The following USHBP1 variants were observed in gnomAD, a reference collection of about 807,000 sequenced individuals.
USHBP1 encodes USH1 protein network component harmonin binding protein 1.
Under a neutral mutation model 76.2 loss-of-function variants are expected in USHBP1, and 67 were observed. The observed-to-expected ratio is 0.88, with a 90% CI of 0.72 to 1.08. The LOEUF (loss-of-function observed/expected upper bound fraction) is 1.08, where lower values mean the gene tolerates loss of function less well. Ranked by LOEUF, USHBP1 falls within the 50% of genes least tolerant of loss-of-function variation. USHBP1 has a pLI of 0.00. For missense variants in USHBP1, 931 were observed against 915.0 expected (o/e 1.02, Z -0.23); for synonymous variants, 322 against 362.2 (o/e 0.89, Z 1.26).
intron 10 of USHBP1, among the ~76,000 whole-genome samples, chr19:17,253,298 C>A (rs1017763060): frequency 2.4e-4 from 27 of 114,236 alleles, no homozygotes; most frequent in African/African-American, 7.0e-4. Flanking sequence ...ATTTTTTTTT[C>A]TTTTTTTTTT....
At chr19:17,256,759 A>G (rs745541798) in intron 8 of USHBP1, 39 bp from the exon 9 acceptor site, 7 of 1,612,996 alleles carry the variant, frequency 4.3e-6, no homozygotes, top group Non-Finnish European at 5.9e-6. Flanking sequence ...CAACACTGGC[A>G]GGCATAGGTG....
chr19:17,259,889 G>T lies in USHBP1; in HGVS notation c.768+8C>A. On this transcript the variant is annotated splice_region_variant and intron_variant, in intron 5 of 12. Transcript: ENST00000252597. ...TCAAGACCATGGGATTGAACTTCTC[G>T]CACTCACCTGAGTCTCCCAGGGTTC... The T allele has an allele frequency of 6.2e-7, 1 of 1,612,144 alleles. No individual in the cohort carries two copies. The highest frequency in any genetic ancestry group is 8.5e-7 in the Non-Finnish European group (1 of 1,178,650).
intron 10 of USHBP1, 111 bp downstream of exon 10, chr19:17,255,273 CA>C: frequency 8.1e-7 from 1 of 1,235,760 alleles, no homozygotes; most frequent in Non-Finnish European, 1.1e-6. Context: ...GCCTGGGCAA[CA>C]AGAGCCAAAC....
intron 12 of USHBP1, among the ~76,000 whole-genome samples, chr19:17,251,241 C>A (rs981524152): frequency 6.7e-6 from 1 of 150,330 alleles, no homozygotes; most frequent in East Asian, 1.9e-4. Context: ...GTGATCTCTG[C>A]TCACCACAAC....
At chr19:17,262,043 C>A (rs2073695762) in intron 4 of USHBP1, among the ~76,000 whole-genome samples, 1 of 144,498 alleles carries the variant, frequency 6.9e-6, no homozygotes. Flanking sequence ...CTCTGTCCCC[C>A]AGGTTGGAGT....
At chr19:17,256,969 G>A (rs946267121) in intron 8 of USHBP1, among the ~76,000 whole-genome samples, 2 of 151,268 alleles carry the variant, frequency 1.3e-5, no homozygotes, top group African/African-American at 4.9e-5. Flanking sequence ...TGGGAGGATT[G>A]CTTGAAGCCA....
intron 3 of USHBP1, 187 bp downstream of exon 3, chr19:17,263,815 G>A: frequency 5.6e-6 from 4 of 719,712 alleles, no homozygotes; most frequent in Admixed American, 3.7e-5. Context: ...GCTGTGAGCC[G>A]AGATTGTGCC....
Position 17,250,043 on chromosome 19 carries a change from T to G in USHBP1, c.*182A>C. 1 of 663,186 alleles carries G rather than the reference T, an allele frequency of 1.5e-6. No individual in the cohort carries two copies. Among genetic ancestry groups the G allele is most frequent in the Non-Finnish European group, 2.5e-6 (1 of 402,222 alleles). 41.1% of individuals were successfully genotyped at this position (663,186 alleles called of 1,614,324 possible). On this transcript the variant is annotated 3_prime_UTR_variant, in exon 13 of 13. Transcript: ENST00000252597. Reference sequence around the variant, plus strand: ...CACTTGGTGCCAGGCCAAAGACACCTGAGTCTTTCTTCATTGCCTGGCCAC... The same window carrying G: ...CACTTGGTGCCAGGCCAAAGACACCGGAGTCTTTCTTCATTGCCTGGCCAC...
chr19:17,251,671 C>T lies in USHBP1; in HGVS notation c.1833G>A (p.Leu611=). 1 of 1,613,824 alleles carries T rather than the reference C, an allele frequency of 6.2e-7. No individual in the cohort carries two copies. The change falls in exon 12 of 13, where the codon CTG becomes CTA. Residue 611 remains leucine (L), a synonymous_variant. Coordinates refer to ENST00000252597, the MANE Select transcript of USHBP1 (RefSeq NM_031941.4). The part of the protein sequence containing the change: ...TLDLQEQLQS[L]RRELEQVAQK... ...GAGCCACCTGTTCCAGCTCCCTGCG[C>T]AGAGACTGCAGCTGCTCCTGCAGGT...
chr19:17,264,001 C>G lies in USHBP1; in HGVS notation c.203+1G>C. The stretch of plus-strand genomic sequence containing the variant: ...AAGGGCACAGACCAAGCGGGTCTTA[C>G]CTGCTTCCTAGGCCTTGGCCACTGA... On this transcript the variant is annotated splice_donor_variant, in intron 3 of 12. Transcript: ENST00000252597. LOFTEE classifies it high-confidence loss of function. The G allele has an allele frequency of 6.3e-7, 1 of 1,580,558 alleles. No individual in the cohort carries two copies. Among genetic ancestry groups the G allele is most frequent in the Non-Finnish European group, 8.6e-7 (1 of 1,163,724 alleles).
chr19:17,260,085 C>G, intron 4 of USHBP1, 63 bp from the exon 5 acceptor site: 1 of 1,550,048 alleles, frequency 6.5e-7, no homozygotes, highest in Non-Finnish European at 8.7e-7. Flanking sequence ...CCTCTCTCCC[C>G]AAGGCCTGTT....
chr19:17,262,990 C>T lies in USHBP1; in HGVS notation c.204G>A (p.Arg68=), dbSNP rs746933421. 52 of 1,512,522 alleles carry T rather than the reference C, an allele frequency of 3.4e-5. No homozygotes were observed. The South Asian group carries it at 5.9e-4, about 17-fold the overall frequency. 93.7% of individuals were successfully genotyped at this position (1,512,522 alleles called of 1,614,324 possible). The change falls in exon 4 of 13, where the codon AGG becomes AGA. Residue 68 remains arginine (R), a splice_region_variant and synonymous_variant. Transcript: ENST00000252597. ...AGCCCCCATCCATCTTCTTGTCAGT[C>T]CTGTGGACACCAACTCAGGCACTTG... is the stretch of plus-strand genomic sequence containing the variant. ...EEVSGQGLGS[R]TDKKMDGGSG... is the part of the protein sequence containing the mutation.
At position 17,255,549 on chromosome 19, in the gene USHBP1, G is replaced by A. The variant is rs986074141; in HGVS notation, c.1528C>T (p.Leu510=). The change falls in exon 10 of 13, where the codon CTA becomes TTA. Residue 510 remains leucine (L), a synonymous_variant. Transcript: ENST00000252597. ...CGGAGGGCAGCCTCCCGCAGCTCTA[G>A]GCCCCGCTTCTCACGCCGCACCAGC... ...LQLVRREKRG[L]ELREAALRAL... The A allele has an allele frequency of 6.2e-7, 1 of 1,613,708 alleles. No homozygotes were observed. Among genetic ancestry groups the A allele is most frequent in the Non-Finnish European group, 8.5e-7 (1 of 1,179,804 alleles).
At position 17,260,019 on chromosome 19, in the gene USHBP1, G is replaced by C; in HGVS notation, c.646C>G (p.Gln216Glu). ...CTCAAGAGGGAATCCTGCAGCTCTT[G>C]AACCTGGGAAAGATGAGGGGGACGT... ...AEKETLQKEVQELQDSLLRLE... is the reference protein window; with the variant it reads ...AEKETLQKEVEELQDSLLRLE... Residue 216 changes from glutamine (Q) to glutamate (E), a missense_variant, in exon 5 of 13, where the codon CAA becomes GAA. Physicochemically the swap from Gln to Glu is conservative, Grantham distance 29. Coordinates refer to ENST00000252597, the MANE Select transcript of USHBP1 (RefSeq NM_031941.4). 1 of 1,612,546 alleles carries C rather than the reference G, an allele frequency of 6.2e-7. No individual in the cohort carries two copies.
intron 4 of USHBP1, 131 bp from the exon 5 acceptor site, chr19:17,260,153 C>A: frequency 8.2e-7 from 1 of 1,214,424 alleles, no homozygotes; most frequent in South Asian, 1.9e-5. Context: ...ACTTAGCCTG[C>A]CAAAAATCTC....
In USHBP1 at chr19:17,256,561, G is replaced by T. The variant is rs1284831411; in HGVS notation, c.1380C>A (p.Ala460=). The T allele has an allele frequency of 6.2e-7, 1 of 1,614,060 alleles. No homozygotes were observed. Among genetic ancestry groups the T allele is most frequent in the African/African-American group, 1.3e-5 (1 of 74,938 alleles). The part of the protein sequence containing the change: ...APMPTVPRAE[A]MVQAILGTQA... ...GGGTCCCCAGAATGGCCTGCACCAT[G>T]GCTTCTGCACGGGGCACAGTGGGCA... Residue 460 remains alanine, a synonymous_variant, in exon 9 of 13, where the codon GCC becomes GCA. Transcript: ENST00000252597.
chr19:17,263,079 C>T, intron 3 of USHBP1, 89 bp from the exon 4 acceptor site: 3 of 1,407,438 alleles, frequency 2.1e-6, no homozygotes, highest in Non-Finnish European at 2.8e-6. Flanking sequence ...ACTCTGTTGC[C>T]CAGCCTGGAG....
intron 3 of USHBP1, 148 bp downstream of exon 3, chr19:17,263,854 C>T (rs562152019): frequency 1.8e-6 from 2 of 1,134,526 alleles, no homozygotes; most frequent in African/African-American, 1.6e-5. Flanking sequence ...CTGGGTGACA[C>T]AGCAAGACTC....
Position 17,251,604 on chromosome 19 carries a change from T to C in USHBP1, c.1900A>G (p.Arg634Gly). 1.2e-6 allele frequency: 2 copies of C among 1,614,056 alleles called. No homozygotes were observed. Among genetic ancestry groups the C allele is most frequent in the Non-Finnish European group, 8.5e-7 (1 of 1,179,978 alleles). Residue 634 changes from arginine to glycine, a missense_variant, in exon 12 of 13, where the codon AGG (arginine) becomes GGG (glycine). By Grantham distance (125) the Arg-to-Gly change is moderately radical. Transcript: ENST00000252597. ...ARRSQSAELN[R>G]DLCKAHSALV... ...TACCTGTGGGCTTTGCATAAATCCC[T>C]GTTCAGCTCGGCACTCTGAGACCGT...
Sources: gnomAD v4.1 joint callset for allele counts (sites outside exome capture counted in the v4.1 genomes callset) on GRCh38, gnomAD v4.1.1 for gene constraint, MANE v1.5 for transcripts, NCBI Gene and HGNC (gene_info 2026-07-23, HGNC 2026-07-21) for gene names.